Variants in SIDT1 observed in about 807,000 individuals in gnomAD.
SIDT1 encodes the protein SID1 transmembrane family member 1.
Under a neutral mutation model 107.5 loss-of-function variants are expected in SIDT1, and 101 were observed. That is an observed-to-expected ratio of 0.94 (90% CI 0.80 to 1.11). The LOEUF is 1.11. Ranked by LOEUF, SIDT1 falls within the 50% of genes least tolerant of loss-of-function variation. The probability of loss-of-function intolerance (pLI) is 0.00; values close to 1 mark genes in which losing one functional copy is unlikely to be tolerated. For missense variants in SIDT1, 1,076 were observed against 1,058.2 expected, an observed-to-expected ratio of 1.02 and a Z score of -0.23; for synonymous variants, 395 against 398.2, an observed-to-expected ratio of 0.99 and a Z score of 0.10.
At chr3:113,563,171 G>A (rs375210366) in intron 1 of SIDT1, among the ~76,000 whole-genome samples, 4 of 152,178 alleles carry the variant, frequency 2.6e-5, no homozygotes, top group Non-Finnish European at 5.9e-5. Context: ...AACTAGAGAC[G>A]AAGGCACAGA....
intron 9 of SIDT1, among the ~76,000 whole-genome samples, chr3:113,590,379 C>T (rs1447596679): frequency 6.6e-6 from 1 of 152,174 alleles, no homozygotes; most frequent in African/African-American, 2.4e-5. Flanking sequence ...CCTCTCACAC[C>T]CCTCCAACCT....
intron 21 of SIDT1, among the ~76,000 whole-genome samples, chr3:113,621,206 G>A (rs765699991): frequency 1.7e-4 from 26 of 152,102 alleles, no homozygotes; most frequent in Non-Finnish European, 2.9e-4. Flanking sequence ...GTAACAAAAC[G>A]CTAATAACTA....
chr3:113,589,127 A>G (rs1239418031), intron 9 of SIDT1, among the ~76,000 whole-genome samples: 5 of 152,176 alleles, frequency 3.3e-5, no homozygotes, highest in Non-Finnish European at 5.9e-5. Context: ...CCCTCATTCA[A>G]TTGGCCAAAA....
chr3:113,585,096 G>A (rs1943644384), intron 8 of SIDT1, 81 bp from the exon 9 acceptor site: 4 of 930,112 alleles, frequency 4.3e-6, no homozygotes, highest in East Asian at 4.8e-5. Context: ...GATGGAGGGG[G>A]CCCTTTAAGC....
chr3:113,566,127 G>T (rs1470265071), intron 1 of SIDT1, among the ~76,000 whole-genome samples: 1 of 152,120 alleles, frequency 6.6e-6, no homozygotes, highest in Non-Finnish European at 1.5e-5. Context: ...AACTGAATCA[G>T]AATTTTGGCA....
chr3:113,611,107 C>A lies in SIDT1; in HGVS notation c.1820C>A (p.Ser607Tyr), dbSNP rs1238407666. 6.2e-7 allele frequency: 1 copy of A among 1,614,098 alleles called. No homozygotes were observed. The highest frequency in any genetic ancestry group is 1.1e-5 in the South Asian group (1 of 91,082). ...INASAYSAYA[S>Y]FAVVIMVTVL... Reference sequence around the variant, plus strand: ...GCCAGCGCCTACTCTGCCTATGCCTCCTTTGCTGTGGTCATCATGGTCACC... The same window carrying A: ...GCCAGCGCCTACTCTGCCTATGCCTACTTTGCTGTGGTCATCATGGTCACC... Residue 607 changes from serine (S) to tyrosine (Y), a missense_variant, in exon 18 of 25, where the codon TCC becomes TAC. By Grantham distance (144) the Ser-to-Tyr change is moderately radical (BLOSUM62 -2). Coordinates refer to ENST00000264852, the MANE Select transcript of SIDT1 (RefSeq NM_017699.3).
At chr3:113,588,450 A>G (rs926554774) in intron 9 of SIDT1, among the ~76,000 whole-genome samples, 7 of 152,248 alleles carry the variant, frequency 4.6e-5, no homozygotes, top group Non-Finnish European at 1.0e-4. Context: ...TGAGTCCCTT[A>G]AACCCTATTA....
chr3:113,552,237 C>T lies in SIDT1; in HGVS notation c.223-14183C>T, dbSNP rs542126227. 1.5e-4 allele frequency among the ~76,000 whole-genome samples: 23 copies of T among 152,200 alleles called. 1 individual carries two copies. In the East Asian group the frequency reaches 1.7e-3, roughly 11 times the overall value. On this transcript the variant is annotated intron_variant, in intron 1 of 24. Transcript: ENST00000264852. Reference sequence around the variant, plus strand: ...CCCTTTCTCTCCATATCACCTTCACCGGGGAGGAAGAATTATAGCTTTCTA... The same window carrying T: ...CCCTTTCTCTCCATATCACCTTCACTGGGGAGGAAGAATTATAGCTTTCTA...
intron 1 of SIDT1, among the ~76,000 whole-genome samples, chr3:113,563,282 C>T (rs9879239): frequency 0.26 from 39,330 of 152,034 alleles, 5,570 homozygotes; most frequent in East Asian, 0.59. Flanking sequence ...GAAGCAAAGA[C>T]AAAATTGCAA....
chr3:113,578,466 CAAAA>C (rs1180260673), intron 4 of SIDT1, among the ~76,000 whole-genome samples: 3 of 75,090 alleles, frequency 4.0e-5, no homozygotes, highest in Admixed American at 1.6e-4. Flanking sequence ...GACTCTGTCT[CAAAA>C]AAAAAAAAAA....
intron 1 of SIDT1, among the ~76,000 whole-genome samples, chr3:113,554,490 A>G (rs777926272): frequency 2.5e-4 from 38 of 152,030 alleles, no homozygotes; most frequent in Middle Eastern, 3.2e-3. Flanking sequence ...GTCTCACAAG[A>G]TCTAATGGCT....
intron 10 of SIDT1, among the ~76,000 whole-genome samples, chr3:113,601,202 C>T (rs1477012094): frequency 6.6e-6 from 1 of 152,174 alleles, no homozygotes; most frequent in Non-Finnish European, 1.5e-5. Flanking sequence ...TTAAAACATG[C>T]TAAAAACCTA....
chr3:113,621,661 G>T (rs1395266440), intron 21 of SIDT1, among the ~76,000 whole-genome samples: 2 of 152,172 alleles, frequency 1.3e-5, no homozygotes, highest in African/African-American at 2.4e-5. Flanking sequence ...CTACTGCAAA[G>T]GTATCCTTTC....
rs757199013 is a variant in SIDT1, at chr3:113,567,642, C to T, written c.447C>T (p.Val149=). Residue 149 remains valine (V), a synonymous_variant, in exon 3 of 25, where the codon GTC becomes GTT. Coordinates refer to ENST00000264852, the MANE Select transcript of SIDT1 (RefSeq NM_017699.3). Reference sequence around the variant, plus strand: ...TGCAGCAACTGATATTTGTAGATGTCGCATCCATGGCACCCCTGGGTGCTC... The same window carrying T: ...TGCAGCAACTGATATTTGTAGATGTTGCATCCATGGCACCCCTGGGTGCTC... ...GPLQQLIFVD[V]ASMAPLGAQY... 2.2e-5 allele frequency: 36 copies of T among 1,613,968 alleles called. No individual in the cohort carries two copies. The highest frequency in any genetic ancestry group is 8.8e-5 in the South Asian group (8 of 91,076).
chr3:113,570,168 G>A (rs1198190625), intron 3 of SIDT1, among the ~76,000 whole-genome samples: 1 of 152,214 alleles, frequency 6.6e-6, no homozygotes, highest in South Asian at 2.1e-4. Context: ...GCCTCCCAAA[G>A]TGCTGGTATT....
chr3:113,537,278 A>T (rs1459949178), intron 1 of SIDT1, among the ~76,000 whole-genome samples: 1 of 152,192 alleles, frequency 6.6e-6, no homozygotes, highest in East Asian at 1.9e-4. Flanking sequence ...TGCCCAAGGA[A>T]CAACCCTCAT....
At chr3:113,572,516 G>A (rs1181786200) in intron 3 of SIDT1, among the ~76,000 whole-genome samples, 2 of 152,196 alleles carry the variant, frequency 1.3e-5, no homozygotes. Flanking sequence ...TGAGCAACAG[G>A]ATAGCATTCA....
chr3:113,626,115 A>G lies in SIDT1; in HGVS notation c.2321A>G (p.Glu774Gly). ...ACCTTCCTCCAGGGAACTCCGGCCG[A>G]ATCCCGGGAGAAGAACCGCGAGTGC... Reference protein sequence around the residue: ...NLSSWEGTPAESREKNRECIL... With the variant: ...NLSSWEGTPAGSREKNRECIL... The change falls in exon 24 of 25, where the codon GAA becomes GGA. Residue 774 changes from glutamate to glycine, a missense_variant. By Grantham distance (98) the Glu-to-Gly change is moderately conservative. Coordinates refer to ENST00000264852, the MANE Select transcript of SIDT1 (RefSeq NM_017699.3). 3 of 1,613,802 alleles carry G rather than the reference A, an allele frequency of 1.9e-6. No individual in the cohort carries two copies. The highest frequency in any genetic ancestry group is 2.5e-6 in the Non-Finnish European group (3 of 1,179,780).
intron 21 of SIDT1, 89 bp from the exon 22 acceptor site, chr3:113,623,338 C>T (rs1869631): frequency 2.7e-6 from 2 of 731,324 alleles, no homozygotes; most frequent in South Asian, 3.5e-5. Context: ...GAACCTGCCC[C>T]TTCCCCCTCA....
Sources: gnomAD v4.1 joint callset for allele counts (sites outside exome capture counted in the v4.1 genomes callset) on GRCh38, gnomAD v4.1.1 for gene constraint, MANE v1.5 for transcripts, NCBI Gene and HGNC (gene_info 2026-07-23, HGNC 2026-07-21) for gene names.